The following SLC6A9 variants were observed in gnomAD, a reference collection of about 807,000 sequenced individuals.
SLC6A9 encodes solute carrier family 6 member 9.
In SLC6A9, 31 loss-of-function variants were observed where a neutral mutation model predicts 70.9. The observed-to-expected ratio is 0.44, with a 90% CI of 0.33 to 0.59. The LOEUF (loss-of-function observed/expected upper bound fraction) is 0.59, where lower values mean the gene tolerates loss of function less well. SLC6A9 is among the 20% of genes least tolerant of loss of function. The pLI, the probability that SLC6A9 is intolerant of heterozygous loss-of-function variation, is 0.04. For missense variants in SLC6A9, 631 were observed against 845.2 expected (o/e 0.75, Z 3.14); for synonymous variants, 310 against 341.3 (o/e 0.91, Z 1.01).
rs552098712 is a variant in SLC6A9, at chr1:44,013,531, T to C, written c.31-2649A>G. On this transcript the variant is annotated intron_variant, in intron 2 of 13. Transcript: ENST00000372310. The surrounding 1 kb of genome is among the most constrained non-coding windows in gnomAD (Gnocchi z 5.3). Reference sequence around the variant, plus strand: ...GGCGACGGGGCTCTGGCAGGAAGTTTCTGACAACACTAAAGGTCTGCTGTA... The same window carrying C: ...GGCGACGGGGCTCTGGCAGGAAGTTCCTGACAACACTAAAGGTCTGCTGTA... 2.0e-4 allele frequency among the ~76,000 whole-genome samples: 30 copies of C among 152,344 alleles called. 1 individual carries two copies. Among genetic ancestry groups the C allele is most frequent in the Admixed American group, 1.5e-3 (23 of 15,308 alleles).
rs1182027809 is a variant in SLC6A9, at chr1:43,997,288, C to T, written c.*257G>A. On this transcript the variant is annotated 3_prime_UTR_variant, in exon 14 of 14. Transcript: ENST00000372310. The surrounding 1 kb of genome is among the most constrained non-coding windows in gnomAD (Gnocchi z 4.4). ...GGCTGCTGGGGACCTGGCCCGAGAC[C>T]CCTCCAAAGTGCTTTGGACCTCCCA... is the stretch of plus-strand genomic sequence containing the variant. 4 of 518,882 alleles carry T rather than the reference C, an allele frequency of 7.7e-6. No homozygotes were observed. The highest frequency in any genetic ancestry group is 1.0e-5 in the Non-Finnish European group (3 of 293,064). The allele number at this position is 518,882 out of a possible 1,614,324, so 32.1% of individuals were successfully genotyped here.
At chr1:44,006,295 C>A (rs1381162060) in intron 5 of SLC6A9, among the ~76,000 whole-genome samples, 1 of 152,110 alleles carries the variant, frequency 6.6e-6, no homozygotes, top group African/African-American at 2.4e-5. Context: ...CTAGTAGGTG[C>A]TCAAGAAATC....
rs200870092 is a variant in SLC6A9, at chr1:44,001,148, C to T, written c.1335+16G>A. On this transcript the variant is annotated intron_variant, in intron 10 of 13. Coordinates refer to ENST00000372310, the MANE Select transcript of SLC6A9 (RefSeq NM_001024845.3). The stretch of plus-strand genomic sequence containing the variant: ...CTGGCAACTCTGGGCCAGCCCTTCC[C>T]TTACGCAGCTCTTACCTGGCTGGTG... 4 of 1,614,234 alleles carry T rather than the reference C, an allele frequency of 2.5e-6. No individual in the cohort carries two copies. The highest frequency in any genetic ancestry group is 3.4e-6 in the Non-Finnish European group (4 of 1,180,038).
chr1:44,015,354 C>G (rs1459769394), intron 2 of SLC6A9, among the ~76,000 whole-genome samples: 3 of 152,178 alleles, frequency 2.0e-5, no homozygotes, highest in African/African-American at 7.2e-5. Flanking sequence ...TGAGCTTCCC[C>G]CTCCTGCTCT....
chr1:44,001,346 C>A (rs201661726), intron 9 of SLC6A9, 44 bp downstream of exon 9: 23 of 1,613,316 alleles, frequency 1.4e-5, no homozygotes, highest in Non-Finnish European at 1.9e-5. Flanking sequence ...TGTTCCTGTC[C>A]CCTCCCTTCC....
intron 2 of SLC6A9, among the ~76,000 whole-genome samples, chr1:44,014,456 TACAC>T (rs144840170): frequency 6.7e-6 from 1 of 150,142 alleles, no homozygotes; most frequent in Non-Finnish European, 1.5e-5. Flanking sequence ...TATACACCCA[TACAC>T]ACACACACAC....
chr1:44,007,362 C>T (rs1344644292), intron 5 of SLC6A9, among the ~76,000 whole-genome samples: 11 of 152,154 alleles, frequency 7.2e-5, no homozygotes, highest in Non-Finnish European at 5.9e-5. Context: ...AGAGCAGAGG[C>T]GTGAATGTTG....
chr1:44,000,981 CAT>C lies in SLC6A9; in HGVS notation c.1408_1409del (p.Met470ValfsTer132). On this transcript the variant is annotated frameshift_variant, in exon 11 of 14. Coordinates refer to ENST00000372310, the MANE Select transcript of SLC6A9 (RefSeq NM_001024845.3). LOFTEE classifies it high-confidence loss of function. ...CGTAGATGTACATGATGGCCACACA[CAT>C]GATGCAGGAGATGACCACCAAGGAG... ...SFSLVVISCI[M>X]CVAIMYIYGH... 1 of 1,595,564 alleles carries C rather than the reference CAT, an allele frequency of 6.3e-7. No homozygotes were observed. Among genetic ancestry groups the C allele is most frequent in the Non-Finnish European group, 8.6e-7 (1 of 1,169,584 alleles).
intron 12 of SLC6A9, among the ~76,000 whole-genome samples, chr1:43,998,551 C>A: frequency 6.6e-6 from 1 of 152,204 alleles, no homozygotes; most frequent in East Asian, 1.9e-4. Context: ...CCCAGATTTC[C>A]TCCATTTCCT....
chr1:44,008,279 T>C (rs1233740875), intron 5 of SLC6A9, 74 bp downstream of exon 5: 1 of 1,484,502 alleles, frequency 6.7e-7, no homozygotes, highest in Non-Finnish European at 9.4e-7. Flanking sequence ...CCCTACTTTG[T>C]CTTCAGATGG....
intron 1 of SLC6A9, among the ~76,000 whole-genome samples, chr1:44,028,484 G>A (rs783306): frequency 0.13 from 19,623 of 152,274 alleles, 1,903 homozygotes; most frequent in East Asian, 0.43. Context: ...GGCTGGGCGC[G>A]GTGGCTCACA....
At chr1:44,004,448 C>G (rs779871797) in intron 5 of SLC6A9, among the ~76,000 whole-genome samples, 2 of 152,174 alleles carry the variant, frequency 1.3e-5, no homozygotes, top group African/African-American at 2.4e-5. Flanking sequence ...CAGTCTCAAT[C>G]GATCCTCCCA....
Position 44,010,107 on chromosome 1 carries a change from G to T in SLC6A9, c.188-11C>A. 1.2e-6 allele frequency: 2 copies of T among 1,613,448 alleles called. No homozygotes were observed. Among genetic ancestry groups the T allele is most frequent in the South Asian group, 2.2e-5 (2 of 91,040 alleles). ...GGAACATGAAGGCGCCTGGTAGGCA[G>T]GGAGAGGTCTGGCTCAGGAGTGGGC... On this transcript the variant is annotated splice_polypyrimidine_tract_variant and intron_variant, in intron 3 of 13. Transcript: ENST00000372310.
rs371519975 is a variant in SLC6A9, at chr1:44,002,288, C to G, written c.962+25G>C. On this transcript the variant is annotated intron_variant, in intron 8 of 13. Coordinates refer to ENST00000372310, the MANE Select transcript of SLC6A9 (RefSeq NM_001024845.3). The surrounding 1 kb of genome is among the most constrained non-coding windows in gnomAD (Gnocchi z 5.5). ...TGCAGAGAGTGCAGGAAGGGGGCAGCCTCAGCCCAGCAGGGAGCACTCACC... is the reference window on the plus strand; with the variant it reads ...TGCAGAGAGTGCAGGAAGGGGGCAGGCTCAGCCCAGCAGGGAGCACTCACC... 15 of 1,546,858 alleles carry G rather than the reference C, an allele frequency of 9.7e-6. No individual in the cohort carries two copies. The highest frequency in any genetic ancestry group is 1.4e-5 in the African/African-American group (1 of 73,576).
intron 12 of SLC6A9, among the ~76,000 whole-genome samples, chr1:43,999,197 T>C (rs578036403): frequency 6.6e-6 from 1 of 151,988 alleles, no homozygotes; most frequent in South Asian, 2.1e-4. Context: ...GTGGAGTTTG[T>C]CAAAAAGAGC....
intron 5 of SLC6A9, among the ~76,000 whole-genome samples, chr1:44,008,094 T>C (rs2086386665): frequency 6.6e-6 from 1 of 152,140 alleles, no homozygotes; most frequent in Non-Finnish European, 1.5e-5. Flanking sequence ...GGTCTCGATC[T>C]CCTGACCTCG....
intron 12 of SLC6A9, 48 bp from the exon 13 acceptor site, chr1:43,998,073 A>G (rs1261109348): frequency 1.9e-6 from 3 of 1,538,556 alleles, no homozygotes; most frequent in Non-Finnish European, 2.7e-6. Context: ...CCCAGAGCCC[A>G]GACCCCAGGC....
intron 3 of SLC6A9, 27 bp downstream of exon 3, chr1:44,010,699 G>T (rs1351477846): frequency 1.2e-6 from 2 of 1,610,754 alleles, no homozygotes; most frequent in African/African-American, 1.3e-5. Flanking sequence ...CCAAGTGGGT[G>T]GTCCCTGCCC....
chr1:44,029,288 T>C (rs755403136), intron 1 of SLC6A9, among the ~76,000 whole-genome samples: 21 of 152,262 alleles, frequency 1.4e-4, no homozygotes, highest in Middle Eastern at 6.8e-3. Flanking sequence ...CCGCACAGTT[T>C]AGTAGACAGA....
Sources: gnomAD v4.1 joint callset for allele counts (sites outside exome capture counted in the v4.1 genomes callset) on GRCh38, gnomAD v4.1.1 for gene constraint, Gnocchi (gnomAD v3.1) non-coding constraint, MANE v1.5 for transcripts, NCBI Gene and HGNC (gene_info 2026-07-23, HGNC 2026-07-21) for gene names.